Variants in GTF3C3 observed in about 807,000 individuals in gnomAD.
GTF3C3 encodes general transcription factor 3C polypeptide 3.
Under a neutral mutation model 105.2 loss-of-function variants are expected in GTF3C3, and 75 were observed. That is an observed-to-expected ratio of 0.71 (90% confidence interval 0.59 to 0.86). The LOEUF is 0.86. GTF3C3 is among the 40% of genes least tolerant of loss of function. GTF3C3 has a pLI of 0.00. For missense variants in GTF3C3, 856 were observed against 1,076.5 expected, an observed-to-expected ratio of 0.80 and a Z score of 2.87; for synonymous variants, 335 against 370.4, an observed-to-expected ratio of 0.90 and a Z score of 1.10.
intron 8 of GTF3C3, 196 bp downstream of exon 8, chr2:196,784,661 A>AT: frequency 6.0e-6 from 2 of 334,684 alleles, no homozygotes; most frequent in South Asian, 1.2e-4. Context: ...CTCAAAACAA[A>AT]TTTTTTTAAA....
intron 17 of GTF3C3, among the ~76,000 whole-genome samples, chr2:196,766,054 G>A (rs1471300953): frequency 6.6e-6 from 1 of 151,100 alleles, no homozygotes; most frequent in Non-Finnish European, 1.5e-5. Context: ...GTACAGGAGG[G>A]ATTATGAGTT....
intron 14 of GTF3C3, among the ~76,000 whole-genome samples, 194 bp downstream of exon 14, chr2:196,772,722 T>C (rs375507941): frequency 9.9e-5 from 15 of 152,158 alleles, no homozygotes; most frequent in Non-Finnish European, 1.5e-4. Flanking sequence ...ACGCAGCCAG[T>C]AGGCGTCAGG....
intron 8 of GTF3C3, among the ~76,000 whole-genome samples, chr2:196,781,320 T>C (rs1184179369): frequency 1.0e-5 from 1 of 95,326 alleles, no homozygotes; most frequent in Non-Finnish European, 2.0e-5. Context: ...TTCAATGAAC[T>C]GCAGATCAAA....
intron 16 of GTF3C3, among the ~76,000 whole-genome samples, chr2:196,768,942 A>C (rs966331997): frequency 2.6e-5 from 4 of 152,186 alleles, no homozygotes; most frequent in African/African-American, 9.7e-5. Flanking sequence ...TACGTCCCCG[A>C]TTCCTGGCAC....
At chr2:196,799,321 G>A (rs1559308808) in intron 1 of GTF3C3, 189 bp downstream of exon 1, 1 of 531,746 alleles carries the variant, frequency 1.9e-6, no homozygotes, top group Non-Finnish European at 3.3e-6. Context: ...CTTTTCGGTG[G>A]GGGAAAACGT....
chr2:196,773,565 C>A, intron 13 of GTF3C3: 1 of 336,354 alleles, frequency 3.0e-6, no homozygotes, highest in South Asian at 2.5e-5. Context: ...TGGGCCAGGG[C>A]TAAGAAGGAT....
intron 17 of GTF3C3, among the ~76,000 whole-genome samples, chr2:196,766,363 A>G (rs989943892): frequency 1.6e-4 from 25 of 152,362 alleles, no homozygotes; most frequent in South Asian, 1.2e-3. Flanking sequence ...CACAAGCTGT[A>G]TATGTTCATA....
chr2:196,799,636 C>T lies in GTF3C3; in HGVS notation c.-25G>A, dbSNP rs372878312. 1.7e-4 allele frequency: 266 copies of T among 1,531,182 alleles called. No homozygotes were observed. In the African/African-American group the frequency reaches 3.2e-3, roughly 19 times the overall value. 94.8% of individuals were successfully genotyped at this position (1,531,182 alleles called of 1,614,324 possible). ...TGTTTACAGGGTCTGTCTGTGCAAC[C>T]CCAGGAACCGGGACAGAGAACCGGA... On this transcript the variant is annotated 5_prime_UTR_variant, in exon 1 of 18. Coordinates refer to ENST00000263956, the MANE Select transcript of GTF3C3 (RefSeq NM_012086.5).
chr2:196,798,258 C>G (rs750803880), intron 1 of GTF3C3, among the ~76,000 whole-genome samples: 64 of 152,108 alleles, frequency 4.2e-4, no homozygotes, highest in Non-Finnish European at 7.6e-4. Context: ...GACTTGGTGG[C>G]TCACATCTGT....
At chr2:196,789,747 C>T (rs952205094) in intron 5 of GTF3C3, 132 bp downstream of exon 5, 43 of 604,370 alleles carry the variant, frequency 7.1e-5, no homozygotes, top group South Asian at 4.2e-4. Context: ...CAAATACTTA[C>T]CTCTAGAGCA....
At chr2:196,798,902 A>C (rs1699697043) in intron 1 of GTF3C3, among the ~76,000 whole-genome samples, 1 of 151,966 alleles carries the variant, frequency 6.6e-6, no homozygotes. Context: ...TCGAACTTAA[A>C]AATTTAAAAA....
Position 196,764,289 on chromosome 2 carries a change from G to T in GTF3C3, c.*274C>A, listed in dbSNP as rs1699020684. ...TGAAAAATAGTGTATTCGACTCCAA[G>T]CTAGCTCAAAGGCTTACACGTCCAT... On this transcript the variant is annotated 3_prime_UTR_variant, in exon 18 of 18. Coordinates refer to ENST00000263956, the MANE Select transcript of GTF3C3 (RefSeq NM_012086.5). The T allele has an allele frequency of 3.9e-6, 1 of 257,902 alleles. No individual in the cohort carries two copies. The highest frequency in any genetic ancestry group is 4.9e-5 in the Admixed American group (1 of 20,228). 16.0% of individuals were successfully genotyped at this position (257,902 alleles called of 1,614,324 possible).
chr2:196,776,392 C>G lies in GTF3C3; in HGVS notation c.1593+35G>C. ...GGAGAAAGTTCTAAAATATAATATA[C>G]CAAGAAAAACTTCCCTCTATGTGAC... On this transcript the variant is annotated intron_variant, in intron 11 of 17. Coordinates refer to ENST00000263956, the MANE Select transcript of GTF3C3 (RefSeq NM_012086.5). This position sits in a 1 kb window ranked among gnomAD's most constrained non-coding sequence, Gnocchi z 4.5. 6.5e-7 allele frequency: 1 copy of G among 1,542,470 alleles called. No individual in the cohort carries two copies. Among genetic ancestry groups the G allele is most frequent in the Non-Finnish European group, 8.9e-7 (1 of 1,119,510 alleles).
At chr2:196,798,862 C>CAAAAAAAA (rs71410624) in intron 1 of GTF3C3, among the ~76,000 whole-genome samples, 1 of 83,768 alleles carries the variant, frequency 1.2e-5, no homozygotes, top group African/African-American at 4.3e-5. Flanking sequence ...AACTCCGTCT[C>CAAAAAAAA]AAAAAAAAAA....
rs772003797 is a variant in GTF3C3 at position 196,771,948 on chromosome 2, C to A, written c.2070-10G>T. ...TTCCATTACCATTATCCTAAAATTG[C>A]AGGAAGAGGGTGAGGGAGAAAATAA... On this transcript the variant is annotated splice_polypyrimidine_tract_variant and intron_variant, in intron 14 of 17. Transcript: ENST00000263956. The A allele has an allele frequency of 6.3e-7, 1 of 1,590,434 alleles. No individual in the cohort carries two copies. Among genetic ancestry groups the A allele is most frequent in the East Asian group, 2.2e-5 (1 of 44,752 alleles).
Position 196,775,329 on chromosome 2 carries a change from C to T in GTF3C3, c.1696-78G>A, listed in dbSNP as rs190060627. 1,614 of 1,377,786 alleles carry T rather than the reference C, an allele frequency of 1.2e-3. 3 individuals carry two copies. The highest frequency in any genetic ancestry group is 1.5e-3 in the Non-Finnish European group (1,489 of 1,013,804). 85.3% of individuals were successfully genotyped at this position (1,377,786 alleles called of 1,614,324 possible). ...GAGACAAAGTCTTGTTATGTTGGCT[C>T]AGGCTGGATTTGAACTCCTAAGCTC... On this transcript the variant is annotated intron_variant, in intron 12 of 17. Transcript: ENST00000263956.
Position 196,789,238 on chromosome 2 carries a change from C to T in GTF3C3, c.859G>A (p.Glu287Lys), listed in dbSNP as rs191304876. ...ILNLLSPSDG[E>K]RFMQLARDMA... Reference sequence around the variant, plus strand: ...TCTCTAGCCAGCTGCATAAAACGTTCGCCATCAGATGGAGACAAAAGGTTT... The same window carrying T: ...TCTCTAGCCAGCTGCATAAAACGTTTGCCATCAGATGGAGACAAAAGGTTT... Residue 287 changes from glutamate (E) to lysine (K), a missense_variant, in exon 6 of 18, where the codon GAA becomes AAA. Transcript: ENST00000263956. The T allele has an allele frequency of 4.2e-5, 68 of 1,612,042 alleles. No homozygotes were observed. The East Asian group carries it at 1.1e-3, about 27-fold the overall frequency.
rs1254868638 is a variant in GTF3C3, at chr2:196,789,365, A to T, written c.732T>A (p.Leu244=). 10 of 1,579,022 alleles carry T rather than the reference A, an allele frequency of 6.3e-6. No homozygotes were observed. Among genetic ancestry groups the T allele is most frequent in the South Asian group, 1.2e-5 (1 of 86,016 alleles). Residue 244 remains leucine, a synonymous_variant, in exon 6 of 18, where the codon CTT becomes CTA. Coordinates refer to ENST00000263956, the MANE Select transcript of GTF3C3 (RefSeq NM_012086.5). ...AACGGACATTAGTAGGTTCATATTT[A>T]AGAGCTAAAAAGAAAGAAATACAAA... ...KQAIFCYTKA[L]KYEPTNVRYL... is the part of the protein sequence containing the mutation.
chr2:196,799,622 TCTGTCTGTGCAACCCC>T lies in GTF3C3; in HGVS notation c.-27_-12del. On this transcript the variant is annotated 5_prime_UTR_variant, in exon 1 of 18. Transcript: ENST00000263956. ...ACTGAACCCTGACATGTTTACAGGG[TCTGTCTGTGCAACCCC>T]AGGAACCGGGACAGAGAACCGGAAG... 6.3e-7 allele frequency: 1 copy of T among 1,591,462 alleles called. No individual in the cohort carries two copies. Among genetic ancestry groups the T allele is most frequent in the Non-Finnish European group, 8.6e-7 (1 of 1,159,484 alleles).
Sources: allele counts gnomAD v4.1 joint callset (sites outside exome capture counted in the v4.1 genomes callset), GRCh38; gene constraint gnomAD v4.1.1; non-coding constraint Gnocchi (gnomAD v3.1); transcripts MANE v1.5; gene names NCBI Gene and HGNC (gene_info 2026-07-23, HGNC 2026-07-21).